LRTM1: variants seen among roughly 807,000 people sequenced by gnomAD.
LRTM1 encodes leucine rich repeat transmembrane protein 1.
LRTM1 carries 38 observed loss-of-function variants against 32.4 expected under a neutral mutation model. That is an observed-to-expected ratio of 1.17 (90% CI 0.91 to 1.54). The LOEUF (loss-of-function observed/expected upper bound fraction) is 1.54, where lower values mean the gene tolerates loss of function less well. Among genes scored for constraint, LRTM1 ranks in the 40% most tolerant of loss-of-function variants. The pLI is 0.00. For synonymous variants in LRTM1, 186 were observed against 169.9 expected, an observed-to-expected ratio of 1.09 and a Z score of -0.74; for missense variants, 466 against 415.4, an observed-to-expected ratio of 1.12 and a Z score of -1.06.
At chr3:54,949,736 A>G (rs1006923762) in intron 1 of LRTM1, among the ~76,000 whole-genome samples, 2 of 152,180 alleles carry the variant, frequency 1.3e-5, no homozygotes, top group African/African-American at 4.8e-5. Flanking sequence ...GCAGGGGCAC[A>G]CTCCACAGAA....
upstream of LRTM1, among the ~76,000 whole-genome samples, chr3:54,930,804 G>A (rs1186604351): frequency 6.6e-6 from 1 of 152,168 alleles, no homozygotes; most frequent in Non-Finnish European, 1.5e-5. Flanking sequence ...AAGATCCAAA[G>A]TGGCATCTTG....
At position 54,927,905 on chromosome 3, in the gene LRTM1, C is replaced by T. The variant is rs1701071496; in HGVS notation, c.7G>A (p.Gly3Ser). MKGELLLFSSVIV... is the reference protein window; with the variant it reads MKSELLLFSSVIV... ...CCAACGGGAATTGATCAGGGCTCACCTTTCATGACTGAGTCTCCTTGGGCG... is the reference window on the plus strand; with the variant it reads ...CCAACGGGAATTGATCAGGGCTCACTTTTCATGACTGAGTCTCCTTGGGCG... The change falls in exon 1 of 3, where the codon GGT (glycine) becomes AGT (serine). Residue 3 changes from glycine to serine, a missense_variant and splice_region_variant. Gly to Ser is a moderately conservative substitution (Grantham distance 56). Coordinates refer to ENST00000273286, the MANE Select transcript of LRTM1 (RefSeq NM_020678.4). The T allele has an allele frequency of 9.9e-6, 16 of 1,613,694 alleles. No individual in the cohort carries two copies. Among genetic ancestry groups the T allele is most frequent in the Non-Finnish European group, 1.4e-5 (16 of 1,179,698 alleles).
At chr3:54,941,994 A>G (rs1308968240) in intron 1 of LRTM1, among the ~76,000 whole-genome samples, 3 of 152,208 alleles carry the variant, frequency 2.0e-5, no homozygotes, top group African/African-American at 7.2e-5. Flanking sequence ...AAATCATTCC[A>G]TCCAGAGATC....
intron 1 of LRTM1, among the ~76,000 whole-genome samples, chr3:54,960,269 C>T (rs1469048774): frequency 6.6e-6 from 1 of 152,014 alleles, no homozygotes; most frequent in Non-Finnish European, 1.5e-5. Context: ...GCTATTTCTC[C>T]TCCCTCTCTC....
chr3:54,920,542 T>C (rs1363055218), intron 2 of LRTM1, among the ~76,000 whole-genome samples: 1 of 152,064 alleles, frequency 6.6e-6, no homozygotes. Context: ...AGGCCAGAGG[T>C]TCAGAGCAGC....
chr3:54,946,493 G>A (rs1021617491), intron 1 of LRTM1, among the ~76,000 whole-genome samples: 6 of 152,174 alleles, frequency 3.9e-5, no homozygotes, highest in Admixed American at 1.3e-4. Flanking sequence ...AAGGAGGGGG[G>A]ATGTGAGGGC....
chr3:54,929,654 A>T (rs1009621162), upstream of LRTM1, among the ~76,000 whole-genome samples: 1 of 152,120 alleles, frequency 6.6e-6, no homozygotes, highest in Non-Finnish European at 1.5e-5. Context: ...AGCATCACAC[A>T]TACAATGGGC....
At chr3:54,924,571 C>A in intron 2 of LRTM1, 48 bp downstream of exon 2, 1 of 1,442,302 alleles carries the variant, frequency 6.9e-7, no homozygotes, top group Non-Finnish European at 9.7e-7. Context: ...GAGATTCATC[C>A]TAGGCTGGTA....
chr3:54,936,298 T>TA (rs1317498253), intron 1 of LRTM1, among the ~76,000 whole-genome samples: 2 of 152,222 alleles, frequency 1.3e-5, no homozygotes, highest in Non-Finnish European at 2.9e-5. Context: ...ACAGGCAAGT[T>TA]AAATGCAAAG....
upstream of LRTM1, among the ~76,000 whole-genome samples, chr3:54,931,427 A>G (rs114143636): frequency 3.0e-3 from 463 of 152,320 alleles, 1 homozygote; most frequent in Non-Finnish European, 4.5e-3. Context: ...TGTGATATGC[A>G]TGCTAATGCT....
chr3:54,952,291 C>T (rs1434217211), intron 1 of LRTM1, among the ~76,000 whole-genome samples: 2 of 152,140 alleles, frequency 1.3e-5, no homozygotes, highest in African/African-American at 4.8e-5. Flanking sequence ...GAAACTAAGC[C>T]CCCCAGGGCT....
chr3:54,946,874 A>C (rs968671518), intron 1 of LRTM1, among the ~76,000 whole-genome samples: 2 of 152,126 alleles, frequency 1.3e-5, no homozygotes, highest in African/African-American at 4.8e-5. Context: ...CTCTTAAGGC[A>C]TGGAGCTGTA....
Position 54,918,635 on chromosome 3 carries a change from T to C in LRTM1, c.862A>G (p.Thr288Ala). The C allele has an allele frequency of 6.2e-7, 1 of 1,614,100 alleles. No homozygotes were observed. Among genetic ancestry groups the C allele is most frequent in the Non-Finnish European group, 8.5e-7 (1 of 1,180,020 alleles). The change falls in exon 3 of 3, where the codon ACT becomes GCT. Residue 288 changes from threonine to alanine, a missense_variant. Coordinates refer to ENST00000273286, the MANE Select transcript of LRTM1 (RefSeq NM_020678.4). ...RPANLRHAIATVIITGVVCGI... is the reference protein window; with the variant it reads ...RPANLRHAIAAVIITGVVCGI... ...CACACAACGCCAGTGATGATGACAG[T>C]GGCAATGGCATGACGCAGGTTGGCC...
At chr3:54,948,370 T>G (rs1270362631) in intron 1 of LRTM1, among the ~76,000 whole-genome samples, 2 of 152,196 alleles carry the variant, frequency 1.3e-5, no homozygotes, top group African/African-American at 2.4e-5. Flanking sequence ...AGAAAAAAAT[T>G]AAAATGCTCC....
chr3:54,928,152 G>A (rs558716571), upstream of LRTM1: 7 of 523,230 alleles, frequency 1.3e-5, no homozygotes, highest in South Asian at 6.2e-5. Context: ...TCTTGGGATC[G>A]TGCCCCTCTT....
chr3:54,963,583 G>C (rs1702080959), intron 1 of LRTM1, among the ~76,000 whole-genome samples: 1 of 152,202 alleles, frequency 6.6e-6, no homozygotes, highest in South Asian at 2.1e-4. Context: ...CACAGGATCA[G>C]AGCATTCAAG....
In LRTM1 at chr3:54,959,809, A is replaced by C. The variant is rs562854647; in HGVS notation, c.-222+7119T>G. Reference sequence around the variant, plus strand: ...ATATTATTTGAAGAACTTTGTGAGCATAAAATGATCTGACAAAAACAATTT... The same window carrying C: ...ATATTATTTGAAGAACTTTGTGAGCCTAAAATGATCTGACAAAAACAATTT... On this transcript the variant is annotated intron_variant, in intron 1 of 2. Coordinates refer to the LRTM1 transcript ENST00000493075. Among the ~76,000 whole-genome samples the C allele has an allele frequency of 1.1e-4, 16 of 152,346 alleles. No homozygotes were observed. The South Asian group carries it at 3.3e-3, about 32-fold the overall frequency.
intron 1 of LRTM1, among the ~76,000 whole-genome samples, chr3:54,945,526 T>C (rs774333638): frequency 9.2e-5 from 14 of 152,212 alleles, no homozygotes; most frequent in Non-Finnish European, 1.8e-4. Flanking sequence ...AATACAGACT[T>C]TGAGGAGGCC....
At chr3:54,958,935 CT>C in intron 1 of LRTM1, among the ~76,000 whole-genome samples, 1 of 152,088 alleles carries the variant, frequency 6.6e-6, no homozygotes, top group East Asian at 1.9e-4. Flanking sequence ...AAAACCCTGT[CT>C]CTACAAAAAA....
Sources: allele counts gnomAD v4.1 joint callset (sites outside exome capture counted in the v4.1 genomes callset), GRCh38; gene constraint gnomAD v4.1.1; transcripts MANE v1.5; gene names NCBI Gene and HGNC (gene_info 2026-07-23, HGNC 2026-07-21).